The following ATE1 variants were observed in gnomAD, a reference collection of about 807,000 sequenced individuals.
The protein encoded by ATE1 is arginyltransferase 1, also known as arginyl-tRNA--protein transferase 1.
Under a neutral mutation model 70.5 loss-of-function variants are expected in ATE1, and 36 were observed. That is an observed-to-expected ratio of 0.51 (90% CI 0.39 to 0.67). The LOEUF (loss-of-function observed/expected upper bound fraction) is 0.67, where lower values mean the gene tolerates loss of function less well. Among genes scored for constraint, ATE1 ranks in the 30% least tolerant of loss-of-function variants. The pLI, the probability that ATE1 is intolerant of heterozygous loss-of-function variation, is 0.00. For synonymous variants in ATE1, 232 were observed against 219.3 expected (o/e 1.06, Z -0.51); for missense variants, 593 against 629.5 (o/e 0.94, Z 0.62).
At chr10:121,927,243 T>A (rs973191207) in intron 1 of ATE1, 18 of 985,118 alleles carry the variant, frequency 1.8e-5, no homozygotes, top group African/African-American at 1.7e-5. Context: ...AGACACGGCA[T>A]ATAAGCAAAT....
rs1292248055 is a variant in ATE1 at position 121,841,115 on chromosome 10, G to A, written c.1124C>T (p.Ser375Leu). Residue 375 changes from serine to leucine, a missense_variant, in exon 9 of 12, where the codon TCG becomes TTG. By Grantham distance (145) the Ser-to-Leu change is moderately radical. This residue lies in a region of ATE1 where 467 missense variants were observed against 469.6 expected (regional missense o/e 0.99). Transcript: ENST00000224652. ...AGAGTAGACGCCCAAAGACAAAAAC[G>A]AATAATCAGGATCGTAGTACAAATA... is the stretch of plus-strand genomic sequence containing the variant. ...SVYLYYDPDYSFLSLGVYSAL... is the reference protein window; with the variant it reads ...SVYLYYDPDYLFLSLGVYSAL... 5.7e-6 allele frequency: 9 copies of A among 1,576,308 alleles called. No individual in the cohort carries two copies. In the East Asian group the frequency reaches 6.8e-5, roughly 12 times the overall value.
At chr10:121,821,477 C>T (rs1320016325) in intron 10 of ATE1, among the ~76,000 whole-genome samples, 4 of 152,170 alleles carry the variant, frequency 2.6e-5, no homozygotes, top group Non-Finnish European at 5.9e-5. Context: ...ACAACTAAGA[C>T]AGACAACCTA....
rs1302171918 is a variant in ATE1, at chr10:121,740,893, A to G, written c.*2787T>C. 3 of 152,234 alleles carry G rather than the reference A, an allele frequency of 2.0e-5. No individual in the cohort carries two copies. Among genetic ancestry groups the G allele is most frequent in the Non-Finnish European group, 2.9e-5 (2 of 68,040 alleles). 9.4% of individuals were successfully genotyped at this position (152,234 alleles called of 1,614,324 possible). A position where few individuals can be genotyped will look rare whatever the true frequency, so the allele number is the denominator to read the frequency against. ...ATGTACAACATATTTATCTGATATC[A>G]TCTATCTTTTAGAATACAAAAAAGT... On this transcript the variant is annotated 3_prime_UTR_variant, in exon 12 of 12. Transcript: ENST00000224652.
chr10:121,925,996 G>A (rs1486903416), intron 1 of ATE1, among the ~76,000 whole-genome samples: 2 of 151,850 alleles, frequency 1.3e-5, no homozygotes, highest in African/African-American at 2.4e-5. Flanking sequence ...ACCTGAGGTC[G>A]GGAGTTCAAG....
intron 1 of ATE1, among the ~76,000 whole-genome samples, chr10:121,925,048 G>A (rs1564973677): frequency 6.6e-6 from 1 of 152,074 alleles, no homozygotes; most frequent in Non-Finnish European, 1.5e-5. Context: ...TTTATATACA[G>A]GTATATATTT....
intron 8 of ATE1, among the ~76,000 whole-genome samples, chr10:121,850,231 C>T (rs1305326746): frequency 6.6e-6 from 1 of 152,094 alleles, no homozygotes; most frequent in South Asian, 2.1e-4. Context: ...TCGAAAACAC[C>T]AAGAATGAAC....
chr10:121,755,860 GAC>G (rs1325040845), intron 11 of ATE1, among the ~76,000 whole-genome samples: 2 of 152,102 alleles, frequency 1.3e-5, no homozygotes, highest in Non-Finnish European at 2.9e-5. Flanking sequence ...TTTGGGTGGG[GAC>G]ACAGAGCCAA....
At chr10:121,766,756 A>G (rs2135837056) in intron 11 of ATE1, among the ~76,000 whole-genome samples, 1 of 152,336 alleles carries the variant, frequency 6.6e-6, no homozygotes, top group East Asian at 1.9e-4. Flanking sequence ...GAAATGGACA[A>G]GTGCCCTATA....
intron 5 of ATE1, among the ~76,000 whole-genome samples, chr10:121,906,143 C>A (rs550254950): frequency 1.3e-5 from 2 of 152,254 alleles, no homozygotes; most frequent in East Asian, 3.9e-4. Context: ...CTCTAAATCC[C>A]AGCACTTTGG....
Position 121,916,134 on chromosome 10 carries a change from G to A in ATE1, c.234-2241C>T, listed in dbSNP as rs186340608. 7.8e-3 allele frequency among the ~76,000 whole-genome samples: 1,183 copies of A among 151,622 alleles called. 17 individuals are homozygous for A. Among genetic ancestry groups the A allele is most frequent in the African/African-American group, 0.028 (1,142 of 41,298 alleles). ...CCCAGCTACTCAGGAGGCTGAGGCA[G>A]GAGAATGGCATGAACCCAGGAGGCG... On this transcript the variant is annotated intron_variant, in intron 3 of 11. Transcript: ENST00000224652.
At chr10:121,904,064 C>G (rs1951090259) in intron 5 of ATE1, among the ~76,000 whole-genome samples, 2 of 151,500 alleles carry the variant, frequency 1.3e-5, no homozygotes, top group East Asian at 2.0e-4. Context: ...ACTGCAACCT[C>G]TGCCTACCGG....
intron 11 of ATE1, among the ~76,000 whole-genome samples, chr10:121,780,180 C>T (rs1317647543): frequency 2.0e-5 from 3 of 152,204 alleles, no homozygotes; most frequent in Non-Finnish European, 4.4e-5. Flanking sequence ...GTCTCACAAA[C>T]ACCTTTACTT....
chr10:121,778,654 T>G (rs1184553306), intron 11 of ATE1, among the ~76,000 whole-genome samples: 1 of 147,870 alleles, frequency 6.8e-6, no homozygotes, highest in Non-Finnish European at 1.5e-5. Flanking sequence ...GGGCTTCCTC[T>G]GCAGTGGCGT....
chr10:121,911,601 C>T (rs1320003881), intron 4 of ATE1, among the ~76,000 whole-genome samples: 5 of 152,186 alleles, frequency 3.3e-5, no homozygotes, highest in African/African-American at 1.2e-4. Flanking sequence ...CGACCCTGAA[C>T]TTCTACCCTT....
chr10:121,902,141 C>A (rs1564945137), intron 6 of ATE1, among the ~76,000 whole-genome samples: 2 of 152,122 alleles, frequency 1.3e-5, no homozygotes, highest in Non-Finnish European at 1.5e-5. Flanking sequence ...AAAATTGACA[C>A]TGTTTTCACA....
Position 121,927,981 on chromosome 10 carries a change from G to A in ATE1, c.-32C>T, listed in dbSNP as rs373239934. 3,876 of 1,458,672 alleles carry A rather than the reference G, an allele frequency of 2.7e-3. 8 individuals are homozygous for A. The highest frequency in any genetic ancestry group is 3.0e-3 in the Non-Finnish European group (3,361 of 1,102,748). 90.4% of individuals were successfully genotyped at this position (1,458,672 alleles called of 1,614,324 possible). On this transcript the variant is annotated 5_prime_UTR_variant, in exon 1 of 12. Transcript: ENST00000224652. Reference sequence around the variant, plus strand: ...GGCCCCGCGAACGCTCAGCCGCCCGGCCCCGCGTCGCTAGCGCGGCCGCCG... The same window carrying A: ...GGCCCCGCGAACGCTCAGCCGCCCGACCCCGCGTCGCTAGCGCGGCCGCCG...
At chr10:121,894,385 T>C (rs762847552) in intron 7 of ATE1, among the ~76,000 whole-genome samples, 1 of 151,904 alleles carries the variant, frequency 6.6e-6, no homozygotes, top group Non-Finnish European at 1.5e-5. Context: ...CACAAACAGA[T>C]TGAAGGTAAA....
At chr10:121,815,824 T>C (rs1186125905) in intron 10 of ATE1, among the ~76,000 whole-genome samples, 1 of 152,150 alleles carries the variant, frequency 6.6e-6, no homozygotes, top group South Asian at 2.1e-4. Context: ...ACCTCAGCAT[T>C]AGTGACATTC....
intron 6 of ATE1, 90 bp downstream of exon 6, chr10:121,902,295 AAACATC>A (rs1270758248): frequency 2.8e-6 from 3 of 1,082,432 alleles, no homozygotes; most frequent in Non-Finnish European, 4.0e-6. Context: ...TTTAACTAGC[AAACATC>A]AACTAATTAG....
Sources: gnomAD v4.1 joint callset for allele counts (sites outside exome capture counted in the v4.1 genomes callset) on GRCh38, gnomAD v4.1.1 for gene constraint, gnomAD v4.1.1 regional missense constraint, MANE v1.5 for transcripts, NCBI Gene and HGNC (gene_info 2026-07-23, HGNC 2026-07-21) for gene names.